ADGRB1: variants seen among roughly 807,000 people sequenced by gnomAD.
ADGRB1 encodes the protein brain-specific angiogenesis inhibitor 1.
A neutral mutation model predicts 175.7 loss-of-function variants in ADGRB1; 36 were observed. The observed-to-expected ratio is 0.20, with a 90% CI of 0.16 to 0.27. The LOEUF (loss-of-function observed/expected upper bound fraction) is 0.27, where lower values mean the gene tolerates loss of function less well. Ranked by LOEUF, ADGRB1 falls within the 10% of genes least tolerant of loss-of-function variation. The pLI is 1.00. For missense variants in ADGRB1, 1,731 were observed against 2,255.3 expected (o/e 0.77, Z 4.71); for synonymous variants, 1,054 against 979.4 (o/e 1.08, Z -1.42).
intron 5 of ADGRB1, 32 bp downstream of exon 5, chr8:142,477,310 A>T (rs796121745): frequency 9.6e-5 from 144 of 1,505,082 alleles, no homozygotes; most frequent in African/African-American, 2.3e-4. Context: ...GGCAGCGGAC[A>T]GCCAGGGCAG....
intron 11 of ADGRB1, 144 bp downstream of exon 11, chr8:142,481,855 C>T (rs1188807243): frequency 2.7e-6 from 2 of 745,524 alleles, no homozygotes; most frequent in Non-Finnish European, 4.2e-6. Context: ...CTTTGTCACA[C>T]ATTTAATCTT....
At chr8:142,470,385 GTGTGTCCTCGTGTGTGTGTGTGTCCCTA>G (rs1840594762) in intron 2 of ADGRB1, among the ~76,000 whole-genome samples, 1 of 152,166 alleles carries the variant, frequency 6.6e-6, no homozygotes, top group Non-Finnish European at 1.5e-5. Flanking sequence ...GAGCAAGTGT[GTGTGTCCTCGTGTGTGTGTGTGTCCCTA>G]TGTGTCCCCG....
chr8:142,534,380 C>T (rs934975363), intron 25 of ADGRB1, among the ~76,000 whole-genome samples: 1 of 152,170 alleles, frequency 6.6e-6, no homozygotes, highest in African/African-American at 2.4e-5. Flanking sequence ...ACTCTCTGGG[C>T]AGAGTGAACA....
In ADGRB1 at chr8:142,542,749, G is replaced by A; in HGVS notation, c.4413+102G>A. 1 of 1,124,368 alleles carries A rather than the reference G, an allele frequency of 8.9e-7. No individual in the cohort carries two copies. Among genetic ancestry groups the A allele is most frequent in the South Asian group, 1.6e-5 (1 of 61,726 alleles). The allele number at this position is 1,124,368 out of a possible 1,614,324, so 69.6% of individuals were successfully genotyped here. On this transcript the variant is annotated intron_variant, in intron 28 of 30. Coordinates refer to ENST00000517894, the MANE Select transcript of ADGRB1 (RefSeq NM_001702.3). The surrounding 1 kb of genome is among the most constrained non-coding windows in gnomAD (Gnocchi z 6.3). ...GGACCCCCACGCCGTCAGCGGGGCG[G>A]GCTGGCTCTGCCTCCTAGCTACACC...
intron 18 of ADGRB1, 23 bp from the exon 19 acceptor site, chr8:142,518,115 C>T (rs368827143): frequency 6.8e-6 from 11 of 1,609,612 alleles, no homozygotes; most frequent in East Asian, 2.2e-5. Flanking sequence ...TCACTCCCTG[C>T]GGTCTCTTCC....
chr8:142,531,546 A>G (rs1178640683), intron 24 of ADGRB1, among the ~76,000 whole-genome samples: 2 of 152,170 alleles, frequency 1.3e-5, no homozygotes, highest in Non-Finnish European at 2.9e-5. Flanking sequence ...TACAGGGAAG[A>G]AGGAGTCCCA....
At chr8:142,531,924 T>C (rs985278886) in intron 24 of ADGRB1, among the ~76,000 whole-genome samples, 2 of 152,100 alleles carry the variant, frequency 1.3e-5, no homozygotes, top group African/African-American at 2.4e-5. Flanking sequence ...GCACAGGTGT[T>C]CTGCACTAGG....
chr8:142,485,127 G>C (rs986451415), intron 13 of ADGRB1, among the ~76,000 whole-genome samples: 1 of 152,234 alleles, frequency 6.6e-6, no homozygotes, highest in Non-Finnish European at 1.5e-5. Context: ...AGTCCCAGTA[G>C]TGCCTTGCCA....
At chr8:142,512,060 G>C (rs1456685510) in intron 18 of ADGRB1, among the ~76,000 whole-genome samples, 1 of 152,242 alleles carries the variant, frequency 6.6e-6, no homozygotes, top group African/African-American at 2.4e-5. Flanking sequence ...AAAAGTGGGG[G>C]GCAGGTGATG....
At chr8:142,452,318 C>A (rs1027289931) in intron 1 of ADGRB1, among the ~76,000 whole-genome samples, 6 of 152,212 alleles carry the variant, frequency 3.9e-5, no homozygotes. Context: ...GGGGCTCGAG[C>A]CTGGGGTTTG....
At chr8:142,528,561 C>T (rs1844371666) in intron 24 of ADGRB1, among the ~76,000 whole-genome samples, 1 of 152,188 alleles carries the variant, frequency 6.6e-6, no homozygotes, top group African/African-American at 2.4e-5. Flanking sequence ...GTCCCCGCAC[C>T]CCCTCGGGCG....
chr8:142,542,388 A>C lies in ADGRB1; in HGVS notation c.4154A>C (p.Glu1385Ala), dbSNP rs1313345484. Residue 1385 changes from glutamate (E) to alanine (A), a missense_variant, in exon 28 of 31, where the codon GAG (glutamate) becomes GCG (alanine). By Grantham distance (107) the Glu-to-Ala change is moderately radical (BLOSUM62 -1). Around this residue, in one of 8 missense-constraint regions of ADGRB1, gnomAD observed 394 missense variants for 410.2 expected, o/e 0.96. Transcript: ENST00000517894. This position sits in a 1 kb window ranked among gnomAD's most constrained non-coding sequence, Gnocchi z 6.3. ...CTCATCCACCTCAGCACGGCCCCCG[A>C]GGCCAGCCTCCCCGCCCGCAGCCCG... ...TRLIHLSTAPEASLPARSPPS... is the reference protein window; with the variant it reads ...TRLIHLSTAPAASLPARSPPS... 6.4e-7 allele frequency: 1 copy of C among 1,559,670 alleles called. No individual in the cohort carries two copies.
At chr8:142,465,487 T>C (rs939309770) in intron 2 of ADGRB1, among the ~76,000 whole-genome samples, 2 of 150,766 alleles carry the variant, frequency 1.3e-5, no homozygotes, top group Non-Finnish European at 1.5e-5. Context: ...GCAGGTGGGC[T>C]CTGTGGAGAC....
chr8:142,512,138 C>A (rs114085128), intron 18 of ADGRB1, among the ~76,000 whole-genome samples: 1,728 of 152,350 alleles, frequency 0.011, 36 homozygotes, highest in African/African-American at 0.04. Context: ...CAGTAAAATC[C>A]TCTGTTGACA....
rs1009492462 is a variant in ADGRB1 at position 142,543,182 on chromosome 8, G to A, written c.4414-221G>A. On this transcript the variant is annotated intron_variant, in intron 28 of 30. Coordinates refer to ENST00000517894, the MANE Select transcript of ADGRB1 (RefSeq NM_001702.3). This position sits in a 1 kb window ranked among gnomAD's most constrained non-coding sequence, Gnocchi z 4.4. ...TGGGGAGTGTGTCCCGGGTAGGCGA[G>A]CCGGACACCCCAGCCCAGCCTTGGT... is the stretch of plus-strand genomic sequence containing the variant. Among the ~76,000 whole-genome samples the A allele has an allele frequency of 6.6e-6, 1 of 152,156 alleles. No homozygotes were observed. Among genetic ancestry groups the A allele is most frequent in the Non-Finnish European group, 1.5e-5 (1 of 68,008 alleles).
At position 142,504,618 on chromosome 8, in the gene ADGRB1, A is replaced by T. The variant is rs960970288; in HGVS notation, c.2676-6314A>T. Among the ~76,000 whole-genome samples the T allele has an allele frequency of 1.3e-5, 2 of 152,090 alleles. No homozygotes were observed. The highest frequency in any genetic ancestry group is 4.8e-5 in the African/African-American group (2 of 41,396). ...GGGGGAAGTCTGGTTATCCAGGTAGACTTCCTGGAGGAGGACACAATGCCA... is the reference window on the plus strand; with the variant it reads ...GGGGGAAGTCTGGTTATCCAGGTAGTCTTCCTGGAGGAGGACACAATGCCA... On this transcript the variant is annotated intron_variant, in intron 17 of 30. Transcript: ENST00000517894. The surrounding 1 kb of genome is among the most constrained non-coding windows in gnomAD (Gnocchi z 5.6).
chr8:142,482,448 C>T (rs56177330), intron 11 of ADGRB1, among the ~76,000 whole-genome samples: 1 of 149,286 alleles, frequency 6.7e-6, no homozygotes, highest in Non-Finnish European at 1.5e-5. Context: ...ACCTGCTGAA[C>T]CCTGACCTTG....
At chr8:142,495,486 T>C (rs1367506052) in intron 17 of ADGRB1, among the ~76,000 whole-genome samples, 1 of 152,136 alleles carries the variant, frequency 6.6e-6, no homozygotes, top group Non-Finnish European at 1.5e-5. Context: ...AACAGATATC[T>C]ATTATCTCCC....
At chr8:142,475,026 G>A (rs986105395) in intron 2 of ADGRB1, among the ~76,000 whole-genome samples, 11 of 152,258 alleles carry the variant, frequency 7.2e-5, no homozygotes, top group South Asian at 4.1e-4. Flanking sequence ...GTGACCCTCC[G>A]CTGAGCCCAT....
Sources: allele counts gnomAD v4.1 joint callset (sites outside exome capture counted in the v4.1 genomes callset), GRCh38; gene constraint gnomAD v4.1.1; regional missense constraint gnomAD v4.1.1; non-coding constraint Gnocchi (gnomAD v3.1); transcripts MANE v1.5; gene names NCBI Gene and HGNC (gene_info 2026-07-23, HGNC 2026-07-21).